Variants in ADAMTS17 observed in about 807,000 individuals in gnomAD.
The protein encoded by ADAMTS17 is ADAM metallopeptidase with thrombospondin type 1 motif 17, also known as A disintegrin and metalloproteinase with thrombospondin motifs 17.
ADAMTS17 carries 113 observed loss-of-function variants against 141.5 expected under a neutral mutation model. The ratio of observed to expected loss-of-function variants is 0.80; its 90% CI spans 0.69 to 0.93. ADAMTS17 has a LOEUF of 0.93. Ranked by LOEUF, ADAMTS17 falls within the 40% of genes least tolerant of loss-of-function variation. The pLI, the probability that ADAMTS17 is intolerant of heterozygous loss-of-function variation, is 0.00. For synonymous variants in ADAMTS17, 768 were observed against 630.6 expected, an observed-to-expected ratio of 1.22 and a Z score of -3.27; for missense variants, 1,659 against 1,517.9, an observed-to-expected ratio of 1.09 and a Z score of -1.54.
At chr15:100,187,944 C>T (rs76993536) in intron 8 of ADAMTS17, among the ~76,000 whole-genome samples, 6,786 of 152,208 alleles carry the variant, frequency 0.045, 175 homozygotes, top group East Asian at 0.12. Flanking sequence ...AATAACCAGG[C>T]GGGATGGTGT....
intron 7 of ADAMTS17, among the ~76,000 whole-genome samples, chr15:100,242,907 C>A (rs964879182): frequency 7.2e-5 from 11 of 152,142 alleles, no homozygotes; most frequent in Admixed American, 5.9e-4. Context: ...GTTGTACAAC[C>A]ATCACCACCG....
At chr15:100,131,975 C>A (rs745824964) in intron 12 of ADAMTS17, 32 bp downstream of exon 12, 2 of 1,614,086 alleles carry the variant, frequency 1.2e-6, no homozygotes, top group Non-Finnish European at 1.7e-6. Context: ...CCAATCGTGG[C>A]ACGTTGGGGT....
chr15:100,263,876 C>T (rs1329689346), intron 4 of ADAMTS17, among the ~76,000 whole-genome samples: 1 of 152,194 alleles, frequency 6.6e-6, no homozygotes, highest in Non-Finnish European at 1.5e-5. Context: ...CAGCAGCAAG[C>T]GTTAAGCACG....
At chr15:100,199,859 A>G (rs2041255962) in intron 7 of ADAMTS17, among the ~76,000 whole-genome samples, 1 of 152,296 alleles carries the variant, frequency 6.6e-6, no homozygotes, top group East Asian at 1.9e-4. Context: ...TGCAAGGTTT[A>G]AGAGGCCCTG....
chr15:100,082,669 A>G (rs565180561), intron 15 of ADAMTS17, among the ~76,000 whole-genome samples: 1 of 149,060 alleles, frequency 6.7e-6, no homozygotes, highest in African/African-American at 2.5e-5. Flanking sequence ...TTCCCATGGC[A>G]TTCTGTTCTT....
chr15:100,092,383 A>G (rs1422749595), intron 15 of ADAMTS17, among the ~76,000 whole-genome samples: 4 of 152,228 alleles, frequency 2.6e-5, no homozygotes, highest in African/African-American at 9.6e-5. Context: ...CAAGAGCCAC[A>G]CCAAGCATGT....
chr15:100,006,591 A>G (rs2061040123), intron 18 of ADAMTS17, among the ~76,000 whole-genome samples: 1 of 152,224 alleles, frequency 6.6e-6, no homozygotes, highest in Admixed American at 6.5e-5. Flanking sequence ...AATTATCAAA[A>G]AACAGCATGA....
chr15:100,005,485 G>A (rs147608727), intron 18 of ADAMTS17, among the ~76,000 whole-genome samples: 157 of 152,146 alleles, frequency 1.0e-3, no homozygotes, highest in African/African-American at 3.6e-3. Flanking sequence ...GGCTTGGGGC[G>A]TCTTCCTCCA....
intron 10 of ADAMTS17, among the ~76,000 whole-genome samples, chr15:100,133,865 C>T (rs948048187): frequency 6.6e-6 from 1 of 151,530 alleles, no homozygotes; most frequent in African/African-American, 2.4e-5. Context: ...GTTCTCCCTG[C>T]GGTCACCTGT....
chr15:100,142,495 C>G (rs4965282), intron 10 of ADAMTS17, among the ~76,000 whole-genome samples: 143,441 of 152,302 alleles, frequency 0.94, 68,126 homozygotes, highest in East Asian at 1. Context: ...CAAGGAGGCA[C>G]AGAATGGACA....
chr15:99,977,401 A>ATATATATATATATTTT (rs2060384375), intron 20 of ADAMTS17, among the ~76,000 whole-genome samples: 1 of 5,154 alleles, frequency 1.9e-4, no homozygotes, highest in Non-Finnish European at 3.6e-4. Flanking sequence ...TATATATATA[A>ATATATATATATATTTT]TTTTTTTTTT....
chr15:100,051,539 A>G (rs1339342825), intron 17 of ADAMTS17, 33 bp downstream of exon 17: 1 of 1,612,218 alleles, frequency 6.2e-7, no homozygotes, highest in Non-Finnish European at 8.5e-7. Flanking sequence ...GCAAAACCCC[A>G]CACCCAACAG....
chr15:100,017,569 C>T (rs1010738146), intron 18 of ADAMTS17, among the ~76,000 whole-genome samples: 9 of 152,218 alleles, frequency 5.9e-5, no homozygotes, highest in Non-Finnish European at 1.2e-4. Flanking sequence ...GTATTTCACT[C>T]GACTCTGTAA....
At chr15:100,168,944 G>A (rs2040054895) in intron 8 of ADAMTS17, among the ~76,000 whole-genome samples, 1 of 152,226 alleles carries the variant, frequency 6.6e-6, no homozygotes, top group Admixed American at 6.5e-5. Flanking sequence ...ATCTGCCTTA[G>A]CACATTCCCC....
intron 3 of ADAMTS17, among the ~76,000 whole-genome samples, chr15:100,323,837 A>T (rs1257680412): frequency 6.6e-6 from 1 of 152,124 alleles, no homozygotes; most frequent in Non-Finnish European, 1.5e-5. Context: ...TAAAACATAC[A>T]AAACAATACA....
intron 12 of ADAMTS17, among the ~76,000 whole-genome samples, chr15:100,125,473 G>A (rs1409356446): frequency 6.6e-6 from 1 of 152,086 alleles, no homozygotes; most frequent in Non-Finnish European, 1.5e-5. Flanking sequence ...CCTTTCTGGT[G>A]CATGTGGGCG....
intron 4 of ADAMTS17, among the ~76,000 whole-genome samples, chr15:100,263,286 C>T (rs7173458): frequency 0.041 from 6,304 of 152,184 alleles, 426 homozygotes; most frequent in African/African-American, 0.14. Context: ...AACACAGAAA[C>T]CAGTTCATCG....
chr15:100,044,669 G>C (rs2031535110), intron 18 of ADAMTS17, among the ~76,000 whole-genome samples: 1 of 152,074 alleles, frequency 6.6e-6, no homozygotes, highest in African/African-American at 2.4e-5. Context: ...TCCATTAATG[G>C]CCTTCTCTTT....
At chr15:100,254,212 G>A (rs755572352) in intron 6 of ADAMTS17, 33 bp from the exon 7 acceptor site, 3 of 1,591,122 alleles carry the variant, frequency 1.9e-6, no homozygotes, top group Admixed American at 1.7e-5. Flanking sequence ...TCAGGTATAT[G>A]CAGTATCCCC....
Sources: gnomAD v4.1 joint callset for allele counts (sites outside exome capture counted in the v4.1 genomes callset) on GRCh38, gnomAD v4.1.1 for gene constraint, MANE v1.5 for transcripts, NCBI Gene and HGNC (gene_info 2026-07-23, HGNC 2026-07-21) for gene names.